PRKG1: variants seen among roughly 807,000 people sequenced by gnomAD.
The protein encoded by PRKG1 is protein kinase cGMP-dependent 1, also known as cGMP-dependent protein kinase 1.
PRKG1 carries 35 observed loss-of-function variants against 88.1 expected under a neutral mutation model. The observed-to-expected ratio is 0.40, with a 90% CI of 0.30 to 0.53. PRKG1 has a LOEUF of 0.53. Ranked by LOEUF, PRKG1 falls within the 20% of genes least tolerant of loss-of-function variation. The pLI, the probability that PRKG1 is intolerant of heterozygous loss-of-function variation, is 0.59. For missense variants in PRKG1, 540 were observed against 839.8 expected (o/e 0.64, Z 4.41); for synonymous variants, 303 against 292.5 (o/e 1.04, Z -0.37).
intron 4 of PRKG1, among the ~76,000 whole-genome samples, chr10:51,832,774 C>T (rs1840034088): frequency 1.3e-5 from 2 of 152,178 alleles, no homozygotes; most frequent in South Asian, 4.2e-4. Context: ...TGGGGCTTCT[C>T]TGAAGGAGGT....
chr10:51,957,255 TACATAG>T (rs1843335864), intron 5 of PRKG1, among the ~76,000 whole-genome samples: 3 of 85,324 alleles, frequency 3.5e-5, no homozygotes, highest in African/African-American at 4.6e-5. Context: ...TTTTCTTTCA[TACATAG>T]CTTTTCCTTT....
At chr10:51,875,227 A>T (rs1465034074) in intron 4 of PRKG1, among the ~76,000 whole-genome samples, 1 of 152,162 alleles carries the variant, frequency 6.6e-6, no homozygotes, top group African/African-American at 2.4e-5. Flanking sequence ...GAGATAGAGA[A>T]ACTGCTTCAT....
intron 2 of PRKG1, among the ~76,000 whole-genome samples, chr10:51,213,531 G>A (rs1179462697): frequency 6.6e-6 from 1 of 152,196 alleles, no homozygotes; most frequent in Non-Finnish European, 1.5e-5. Flanking sequence ...GACAACTGAA[G>A]TATCTCACAT....
intron 3 of PRKG1, among the ~76,000 whole-genome samples, chr10:51,577,210 A>G (rs1465101591): frequency 6.6e-6 from 1 of 151,996 alleles, no homozygotes; most frequent in African/African-American, 2.4e-5. Flanking sequence ...TTTCCCATAA[A>G]GCAATATATT....
chr10:51,521,396 A>C (rs1279299177), intron 3 of PRKG1, among the ~76,000 whole-genome samples: 1 of 152,234 alleles, frequency 6.6e-6, no homozygotes, highest in Non-Finnish European at 1.5e-5. Flanking sequence ...AAATGTTCCC[A>C]AAAATGCCTT....
intron 3 of PRKG1, among the ~76,000 whole-genome samples, chr10:51,602,219 G>A (rs1838625155): frequency 6.6e-6 from 1 of 152,058 alleles, no homozygotes; most frequent in African/African-American, 2.4e-5. Context: ...AGGTTTCTAC[G>A]ATCATGTCAT....
chr10:51,213,324 G>A (rs1360642909), intron 2 of PRKG1, among the ~76,000 whole-genome samples: 1 of 152,136 alleles, frequency 6.6e-6, no homozygotes, highest in African/African-American at 2.4e-5. Context: ...TGTGGGGTTG[G>A]GGGAGGGGGG....
At chr10:51,535,406 C>T (rs1842120613) in intron 3 of PRKG1, among the ~76,000 whole-genome samples, 1 of 152,088 alleles carries the variant, frequency 6.6e-6, no homozygotes, top group Admixed American at 6.6e-5. Context: ...AAGCAAACTG[C>T]ACCAATCAGA....
At position 51,729,219 on chromosome 10, in the gene PRKG1, T is replaced by C. The variant is rs78190344; in HGVS notation, c.593-75366T>C. On this transcript the variant is annotated intron_variant, in intron 3 of 17. Coordinates refer to ENST00000373980, the MANE Select transcript of PRKG1 (RefSeq NM_006258.4). ...AAAGTCTCTTCAGCTTTCTGAACTT[T>C]TCTGTATTTCACATACTCATTCTAG... Among the ~76,000 whole-genome samples, 342 of 152,334 alleles carry C rather than the reference T, an allele frequency of 2.2e-3. 2 individuals carry two copies. The highest frequency in any genetic ancestry group is 7.3e-3 in the African/African-American group (303 of 41,580).
intron 10 of PRKG1, among the ~76,000 whole-genome samples, chr10:52,269,850 C>T (rs1264161193): frequency 6.6e-6 from 1 of 151,946 alleles, no homozygotes; most frequent in Non-Finnish European, 1.5e-5. Context: ...CCATAAACAG[C>T]ACCCTGTCTG....
At chr10:52,046,990 G>A (rs1187603402) in intron 5 of PRKG1, 5 of 152,054 alleles carry the variant, frequency 3.3e-5, no homozygotes, top group African/African-American at 4.8e-5. Context: ...AGAGTGTCCC[G>A]AGTGGAAGAT....
At chr10:51,235,276 A>G (rs1044105137) in intron 2 of PRKG1, among the ~76,000 whole-genome samples, 3 of 152,310 alleles carry the variant, frequency 2.0e-5, no homozygotes, top group Admixed American at 1.3e-4. Flanking sequence ...CAAATTTAAG[A>G]TTAAATATTA....
chr10:51,921,905 A>G (rs950688590), intron 5 of PRKG1, among the ~76,000 whole-genome samples: 5 of 151,986 alleles, frequency 3.3e-5, no homozygotes, highest in African/African-American at 4.8e-5. Flanking sequence ...TAATTTTGGT[A>G]TAAGGGTAAT....
intron 3 of PRKG1, among the ~76,000 whole-genome samples, chr10:51,487,371 A>G (rs1840578660): frequency 6.6e-6 from 1 of 152,172 alleles, no homozygotes; most frequent in African/African-American, 2.4e-5. Flanking sequence ...TTTAACATTT[A>G]CTAATATATA....
chr10:51,170,519 G>T (rs748213753), intron 2 of PRKG1, among the ~76,000 whole-genome samples: 3 of 151,778 alleles, frequency 2.0e-5, no homozygotes, highest in Admixed American at 6.6e-5. Flanking sequence ...CAAGGGGATA[G>T]TGTGACATGT....
intron 3 of PRKG1, among the ~76,000 whole-genome samples, chr10:51,476,602 TTG>T (rs1840203659): frequency 3.8e-5 from 2 of 52,532 alleles, no homozygotes; most frequent in Non-Finnish European, 9.7e-5. Flanking sequence ...AGTGGATTAT[TTG>T]TTGTTGTTGT....
chr10:51,790,933 C>T (rs898018558), intron 3 of PRKG1, among the ~76,000 whole-genome samples: 2 of 152,108 alleles, frequency 1.3e-5, no homozygotes, highest in Admixed American at 1.3e-4. Context: ...ATTAGTTGGT[C>T]TACTTGAACA....
At position 51,270,384 on chromosome 10, in the gene PRKG1, G is replaced by A. The variant is rs1426375093; in HGVS notation, c.478+117054G>A. On this transcript the variant is annotated intron_variant, in intron 2 of 17. Coordinates refer to ENST00000373980, the MANE Select transcript of PRKG1 (RefSeq NM_006258.4). ...ATTTTTTAAGAGTAATTTGGTGGAG[G>A]ATCATCTAAATTACTTAGATTTTTG... Among the ~76,000 whole-genome samples the A allele has an allele frequency of 3.3e-5, 5 of 152,158 alleles. No homozygotes were observed. The East Asian group carries it at 7.7e-4, about 24-fold the overall frequency.
At chr10:52,276,771 A>G (rs1014361291) in intron 12 of PRKG1, among the ~76,000 whole-genome samples, 1 of 152,168 alleles carries the variant, frequency 6.6e-6, no homozygotes, top group African/African-American at 2.4e-5. Flanking sequence ...TCAAATTTAC[A>G]TTGTCATTTC....
Sources: allele counts gnomAD v4.1 joint callset (sites outside exome capture counted in the v4.1 genomes callset), GRCh38; gene constraint gnomAD v4.1.1; transcripts MANE v1.5; gene names NCBI Gene and HGNC (gene_info 2026-07-23, HGNC 2026-07-21).